The following SLCO2B1 variants were observed in gnomAD, a reference collection of about 807,000 sequenced individuals.
The protein encoded by SLCO2B1 is OATP-RP2.
A neutral mutation model predicts 67.3 loss-of-function variants in SLCO2B1; 41 were observed. That is an observed-to-expected ratio of 0.61 (90% CI 0.47 to 0.79). The LOEUF is 0.79. Ranked by LOEUF, SLCO2B1 falls within the 30% of genes least tolerant of loss-of-function variation. SLCO2B1 has a pLI of 0.00. For synonymous variants in SLCO2B1, 379 were observed against 381.4 expected, an observed-to-expected ratio of 0.99 and a Z score of 0.07; for missense variants, 837 against 920.1, an observed-to-expected ratio of 0.91 and a Z score of 1.17.
At chr11:75,202,564 C>A (rs1945198362) in intron 11 of SLCO2B1, 2 of 303,262 alleles carry the variant, frequency 6.6e-6, no homozygotes, top group Non-Finnish European at 1.2e-5. Flanking sequence ...CTGACTGTCC[C>A]AGCTCCAGGT....
intron 1 of SLCO2B1, 145 bp downstream of exon 1, chr11:75,151,542 C>A: frequency 2.6e-6 from 2 of 778,966 alleles, no homozygotes; most frequent in South Asian, 1.6e-5. Flanking sequence ...GGCCGGAGTT[C>A]AGTGAAGGTG....
intron 1 of SLCO2B1, among the ~76,000 whole-genome samples, chr11:75,152,142 T>C (rs1012782011): frequency 2.0e-5 from 3 of 152,244 alleles, no homozygotes; most frequent in African/African-American, 7.2e-5. Context: ...AATCGCCTTG[T>C]AGCGAGGGCA....
intron 9 of SLCO2B1, 190 bp from the exon 10 acceptor site, chr11:75,196,324 T>C (rs1945095880): frequency 5.0e-6 from 3 of 594,440 alleles, no homozygotes; most frequent in Non-Finnish European, 8.9e-6. Flanking sequence ...GGGGCCTGTC[T>C]CCATACTTGC....
chr11:75,194,701 G>T (rs1012911196), intron 9 of SLCO2B1, among the ~76,000 whole-genome samples: 1 of 152,198 alleles, frequency 6.6e-6, no homozygotes, highest in Non-Finnish European at 1.5e-5. Flanking sequence ...CTGGTCTGAG[G>T]AGGGAGCCAG....
intron 7 of SLCO2B1, among the ~76,000 whole-genome samples, chr11:75,180,487 C>T (rs778628115): frequency 2.6e-5 from 4 of 152,200 alleles, no homozygotes; most frequent in Admixed American, 1.3e-4. Flanking sequence ...CCCTTTTCTC[C>T]ACAGCCTCCC....
chr11:75,203,151 C>T, intron 12 of SLCO2B1, 156 bp from the exon 13 acceptor site: 1 of 1,237,822 alleles, frequency 8.1e-7, no homozygotes, highest in South Asian at 1.4e-5. Flanking sequence ...GACAGCCCGT[C>T]AGGAAGCCAC....
chr11:75,179,217 G>GTTTTT, intron 7 of SLCO2B1, among the ~76,000 whole-genome samples: 1 of 99,530 alleles, frequency 1.0e-5, no homozygotes. Context: ...GGATACATGA[G>GTTTTT]ATTTTTTTTT....
In SLCO2B1 at chr11:75,169,176, A is replaced by G; in HGVS notation, c.452A>G (p.Asp151Gly). 1.9e-6 allele frequency: 3 copies of G among 1,611,636 alleles called. No individual in the cohort carries two copies. The highest frequency in any genetic ancestry group is 2.5e-6 in the Non-Finnish European group (3 of 1,178,172). Residue 151 changes from aspartate to glycine, a missense_variant, in exon 5 of 14, where the codon GAT (aspartate) becomes GGT (glycine). By Grantham distance (94) the Asp-to-Gly change is moderately conservative. Transcript: ENST00000289575. ...TTTTTTCATTGTCGTCTCTCAGAGG[A>G]TATGCCACAGGACTTCAAGGCTTCC... ...PYRYDNTSPEDMPQDFKASLC... is the reference protein window; with the variant it reads ...PYRYDNTSPEGMPQDFKASLC...
chr11:75,202,991 G>A, intron 12 of SLCO2B1, 26 bp downstream of exon 12: 1 of 1,604,998 alleles, frequency 6.2e-7, no homozygotes, highest in East Asian at 2.2e-5. Flanking sequence ...GGGACCATTG[G>A]TGGTGGTGAT....
At chr11:75,166,973 A>T (rs991794478) in intron 4 of SLCO2B1, among the ~76,000 whole-genome samples, 12 of 152,200 alleles carry the variant, frequency 7.9e-5, no homozygotes, top group African/African-American at 2.9e-4. Context: ...GGGAGAGAAG[A>T]TGAAGCAGAC....
Position 75,151,253 on chromosome 11 carries a change from T to C in SLCO2B1, c.-129T>C, listed in dbSNP as rs987283478. 17 of 758,470 alleles carry C rather than the reference T, an allele frequency of 2.2e-5. 1 individual carries two copies. In the Admixed American group the frequency reaches 2.3e-4, roughly 10 times the overall value. 47.0% of individuals were successfully genotyped at this position (758,470 alleles called of 1,614,324 possible). A position where few individuals can be genotyped will look rare whatever the true frequency, so the allele number is the denominator to read the frequency against. ...CCCGTGTCTGGAGCTCCCACCGTTA[T>C]TGCATCCCTGCTGTGGCTCACCTGC... On this transcript the variant is annotated 5_prime_UTR_variant, in exon 1 of 14. Transcript: ENST00000289575.
At position 75,203,323 on chromosome 11, in the gene SLCO2B1, C is replaced by T. The variant is rs1206020350; in HGVS notation, c.1845C>T (p.Pro615=). 4.3e-6 allele frequency: 7 copies of T among 1,613,736 alleles called. No individual in the cohort carries two copies. The highest frequency in any genetic ancestry group is 2.2e-5 in the East Asian group (1 of 44,886). ...CTCCCTCAGCCTGGATGCCCAGCCC[C>T]GTGATCCACGGCAGCGCCATCGACA... ...FLRILAWMPS[P]VIHGSAIDTT... Residue 615 remains proline (P), a synonymous_variant, in exon 13 of 14, where the codon CCC becomes CCT. Transcript: ENST00000289575.
rs777429800 is a variant in SLCO2B1, at chr11:75,193,419, T to C, written c.1277T>C (p.Val426Ala). The change falls in exon 9 of 14, where the codon GTG becomes GCG. Residue 426 changes from valine to alanine, a missense_variant. Transcript: ENST00000289575. This position sits in a 1 kb window ranked among gnomAD's most constrained non-coding sequence, Gnocchi z 4.2. ...TTCCCTTCGGTCATCGTGGGCATCG[T>C]GGTGGGTGGCGTCCTGGTCAAGCGG... ...LSFPSVIVGI[V>A]VGGVLVKRLH... 5 of 1,613,966 alleles carry C rather than the reference T, an allele frequency of 3.1e-6. No individual in the cohort carries two copies. In the South Asian group the frequency reaches 5.5e-5, roughly 18 times the overall value.
rs115689479 is a variant in SLCO2B1 at position 75,155,759 on chromosome 11, C to T, written c.16+4362C>T. ...AGGTGTGAGCCACCACGAGGCCAGG[C>T]GTGAGCCAGGCCTCGAAAGATAAGT... On this transcript the variant is annotated intron_variant, in intron 1 of 13. Transcript: ENST00000289575. 6.7e-3 allele frequency among the ~76,000 whole-genome samples: 1,019 copies of T among 152,262 alleles called. 10 individuals are homozygous for T. The highest frequency in any genetic ancestry group is 0.023 in the African/African-American group (967 of 41,532).
chr11:75,161,270 G>A (rs1419078350), intron 1 of SLCO2B1, among the ~76,000 whole-genome samples: 5 of 152,244 alleles, frequency 3.3e-5, no homozygotes, highest in African/African-American at 1.2e-4. Flanking sequence ...TAGTAGATGA[G>A]TGTTTGTCAG....
Position 75,205,864 on chromosome 11 carries a change from T to C in SLCO2B1, c.*1284T>C, listed in dbSNP as rs1328801465. ...CCAACCTATTACCACCCCACCTCGC[T>C]GGGACCTACTGCTCGGGAGGCAGCA... On this transcript the variant is annotated 3_prime_UTR_variant, in exon 14 of 14. Coordinates refer to ENST00000289575, the MANE Select transcript of SLCO2B1 (RefSeq NM_007256.5). 6.6e-6 allele frequency: 1 copy of C among 152,198 alleles called. No individual in the cohort carries two copies. The highest frequency in any genetic ancestry group is 1.9e-4 in the East Asian group (1 of 5,194). The allele number at this position is 152,198 out of a possible 1,614,324, so 9.4% of individuals were successfully genotyped here.
chr11:75,193,182 C>A lies in SLCO2B1; in HGVS notation c.1076-36C>A. The A allele has an allele frequency of 6.6e-7, 1 of 1,520,926 alleles. No homozygotes were observed. The highest frequency in any genetic ancestry group is 9.0e-7 in the Non-Finnish European group (1 of 1,114,574). 94.2% of individuals were successfully genotyped at this position (1,520,926 alleles called of 1,614,324 possible). On this transcript the variant is annotated intron_variant, in intron 8 of 13. Transcript: ENST00000289575. The surrounding 1 kb of genome is among the most constrained non-coding windows in gnomAD (Gnocchi z 4.2). ...CAGTCTCTGCTGGACAGCTTGGCTG[C>A]CCTGCCTGCCCTGACCTCTGCACTC...
At chr11:75,170,519 G>A (rs1421803524) in intron 6 of SLCO2B1, among the ~76,000 whole-genome samples, 4 of 152,140 alleles carry the variant, frequency 2.6e-5, no homozygotes, top group East Asian at 1.9e-4. Flanking sequence ...CTCCCAACTC[G>A]TCGCACCAAG....
chr11:75,188,636 G>A (rs1431634469), intron 8 of SLCO2B1, among the ~76,000 whole-genome samples: 1 of 152,146 alleles, frequency 6.6e-6, no homozygotes, highest in Non-Finnish European at 1.5e-5. Flanking sequence ...TGAGGCAGAA[G>A]AATCACTTGA....
Sources: allele counts gnomAD v4.1 joint callset (sites outside exome capture counted in the v4.1 genomes callset), GRCh38; gene constraint gnomAD v4.1.1; non-coding constraint Gnocchi (gnomAD v3.1); transcripts MANE v1.5; gene names NCBI Gene and HGNC (gene_info 2026-07-23, HGNC 2026-07-21).